ADAM9: variants seen among roughly 807,000 people sequenced by gnomAD.
The protein encoded by ADAM9 is ADAM metallopeptidase domain 9, also known as disintegrin and metalloproteinase domain-containing protein 9.
ADAM9 carries 54 observed loss-of-function variants against 108.1 expected under a neutral mutation model. That is an observed-to-expected ratio of 0.50 (90% CI 0.40 to 0.63). The LOEUF (loss-of-function observed/expected upper bound fraction) is 0.63. Among genes scored for constraint, ADAM9 ranks in the 20% least tolerant of loss-of-function variants. The pLI is 0.00. For synonymous variants in ADAM9, 316 were observed against 336.0 expected, an observed-to-expected ratio of 0.94 and a Z score of 0.65; for missense variants, 830 against 997.7, an observed-to-expected ratio of 0.83 and a Z score of 2.26.
At chr8:39,002,897 G>T (rs190873749) in intron 1 of ADAM9, among the ~76,000 whole-genome samples, 36 of 152,138 alleles carry the variant, frequency 2.4e-4, no homozygotes, top group African/African-American at 6.7e-4. Context: ...GAGTGCAGTG[G>T]TGCAATCTCA....
chr8:39,054,057 C>T (rs1348969581), intron 12 of ADAM9, among the ~76,000 whole-genome samples: 1 of 152,134 alleles, frequency 6.6e-6, no homozygotes, highest in Non-Finnish European at 1.5e-5. Flanking sequence ...TGCCGTCTCT[C>T]TGCACACATG....
intron 19 of ADAM9, among the ~76,000 whole-genome samples, chr8:39,090,506 A>G (rs1839318808): frequency 6.6e-6 from 1 of 152,198 alleles, no homozygotes; most frequent in Admixed American, 6.5e-5. Context: ...GCTGATAGTC[A>G]TATCACCAGA....
intron 15 of ADAM9, among the ~76,000 whole-genome samples, chr8:39,072,713 G>A (rs1011341132): frequency 6.6e-6 from 1 of 152,232 alleles, no homozygotes; most frequent in African/African-American, 2.4e-5. Flanking sequence ...GATCTCAGGT[G>A]AAGTGTGGTT....
intron 15 of ADAM9, among the ~76,000 whole-genome samples, chr8:39,073,041 A>G (rs928410177): frequency 1.3e-5 from 2 of 152,234 alleles, no homozygotes; most frequent in East Asian, 3.8e-4. Context: ...CACTTGGAAC[A>G]TTCATCCATA....
intron 18 of ADAM9, chr8:39,089,701 A>G (rs898475025): frequency 2.5e-5 from 8 of 321,136 alleles, no homozygotes; most frequent in African/African-American, 4.3e-5. Flanking sequence ...GAGGAGGTCC[A>G]CTATGTACAG....
intron 12 of ADAM9, among the ~76,000 whole-genome samples, chr8:39,045,090 A>ATGTGTGTGTG: frequency 3.8e-5 from 1 of 25,982 alleles, no homozygotes. Flanking sequence ...GTGCATACAT[A>ATGTGTGTGTG]CATATGTGTG....
At chr8:39,062,878 C>T (rs557901103) in intron 14 of ADAM9, among the ~76,000 whole-genome samples, 1 of 152,286 alleles carries the variant, frequency 6.6e-6, no homozygotes, top group South Asian at 2.1e-4. Context: ...TCGACTCAAA[C>T]ATTTTAGTCT....
chr8:39,070,793 T>C (rs1319294377), intron 14 of ADAM9, among the ~76,000 whole-genome samples: 2 of 150,998 alleles, frequency 1.3e-5, no homozygotes, highest in African/African-American at 4.9e-5. Context: ...CAAGAATAGA[T>C]TGTTACTTTG....
intron 3 of ADAM9, among the ~76,000 whole-genome samples, chr8:39,012,520 A>G (rs1836387899): frequency 6.6e-6 from 1 of 152,212 alleles, no homozygotes; most frequent in Non-Finnish European, 1.5e-5. Flanking sequence ...GGCACTATTC[A>G]CAATAGCAAA....
At chr8:39,061,952 G>A (rs371447799) in intron 14 of ADAM9, among the ~76,000 whole-genome samples, 4 of 151,574 alleles carry the variant, frequency 2.6e-5, no homozygotes, top group East Asian at 3.9e-4. Flanking sequence ...ATTTCTCAGA[G>A]TTCTGGAGGC....
chr8:39,054,606 A>AAAG, intron 13 of ADAM9, 33 bp downstream of exon 13: 2 of 1,422,180 alleles, frequency 1.4e-6, no homozygotes, highest in Non-Finnish European at 1.9e-6. Flanking sequence ...AAACAGGAAA[A>AAAG]AAAAAAAAAA....
chr8:39,093,417 C>T (rs1461808136), intron 20 of ADAM9, among the ~76,000 whole-genome samples: 1 of 152,024 alleles, frequency 6.6e-6, no homozygotes, highest in African/African-American at 2.4e-5. Flanking sequence ...TATAGAAATA[C>T]TAGTGATTTT....
chr8:39,094,896 T>C (rs756964683), intron 20 of ADAM9, among the ~76,000 whole-genome samples: 6 of 152,176 alleles, frequency 3.9e-5, no homozygotes, highest in Non-Finnish European at 7.3e-5. Flanking sequence ...ATTTTTCCAG[T>C]ATTTCATTCA....
chr8:39,010,662 G>A (rs914323949), intron 2 of ADAM9, among the ~76,000 whole-genome samples: 2 of 152,202 alleles, frequency 1.3e-5, no homozygotes, highest in Non-Finnish European at 2.9e-5. Flanking sequence ...GTGAATTGCT[G>A]GGGAAGTTGT....
intron 2 of ADAM9, among the ~76,000 whole-genome samples, chr8:39,009,326 G>A (rs781351356): frequency 4.6e-5 from 7 of 152,176 alleles, no homozygotes; most frequent in Admixed American, 1.3e-4. Context: ...TGCAGCCTCC[G>A]CCTCCTGGGT....
At chr8:39,066,604 A>T (rs752101408) in intron 14 of ADAM9, among the ~76,000 whole-genome samples, 1 of 151,674 alleles carries the variant, frequency 6.6e-6, no homozygotes, top group Non-Finnish European at 1.5e-5. Flanking sequence ...GGGTTGTTTG[A>T]TTTTTGTTGT....
chr8:39,075,063 T>C (rs984904662), intron 15 of ADAM9, among the ~76,000 whole-genome samples: 5 of 151,984 alleles, frequency 3.3e-5, no homozygotes, highest in African/African-American at 1.2e-4. Context: ...TGCACCATCA[T>C]GCCTGGCTAA....
intron 20 of ADAM9, among the ~76,000 whole-genome samples, chr8:39,100,988 C>T (rs944620336): frequency 6.6e-5 from 10 of 152,072 alleles, no homozygotes; most frequent in Non-Finnish European, 7.4e-5. Flanking sequence ...ATTCCAAAAC[C>T]GAGGATTCTA....
At chr8:39,060,343 G>A (rs1838259527) in intron 14 of ADAM9, among the ~76,000 whole-genome samples, 1 of 152,218 alleles carries the variant, frequency 6.6e-6, no homozygotes, top group Admixed American at 6.5e-5. Flanking sequence ...AAGCAGCAGA[G>A]CATCTTGCCT....
Sources: allele counts gnomAD v4.1 joint callset (sites outside exome capture counted in the v4.1 genomes callset), GRCh38; gene constraint gnomAD v4.1.1; transcripts MANE v1.5; gene names NCBI Gene and HGNC (gene_info 2026-07-23, HGNC 2026-07-21).